Variants in ITGAE observed in about 807,000 individuals in gnomAD.
The protein encoded by ITGAE is integrin subunit alpha E.
In ITGAE, 99 loss-of-function variants were observed where a neutral mutation model predicts 136.5. That is an observed-to-expected ratio of 0.73 (90% confidence interval 0.62 to 0.86). The LOEUF (loss-of-function observed/expected upper bound fraction) is 0.86. Among genes scored for constraint, ITGAE ranks in the 40% least tolerant of loss-of-function variants. ITGAE has a pLI of 0.00. For missense variants in ITGAE, 1,447 were observed against 1,515.3 expected, an observed-to-expected ratio of 0.95 and a Z score of 0.75; for synonymous variants, 613 against 591.8, an observed-to-expected ratio of 1.04 and a Z score of -0.52.
chr17:3,729,494 C>G lies in ITGAE; in HGVS notation c.2896G>C (p.Val966Leu). Residue 966 changes from valine to leucine, a missense_variant, in exon 24 of 31, where the codon GTT becomes CTT. Coordinates refer to ENST00000263087, the MANE Select transcript of ITGAE (RefSeq NM_002208.5). ...AGTACTCACTTGGACAGAACTGCAACGAAGCCATGCCTGAATTGAAGGGTG... is the reference window on the plus strand; with the variant it reads ...AGTACTCACTTGGACAGAACTGCAAGGAAGCCATGCCTGAATTGAAGGGTG... ...THTLQFRHGFVAVLSKPSIMY... is the reference protein window; with the variant it reads ...THTLQFRHGFLAVLSKPSIMY... The G allele has an allele frequency of 6.2e-7, 1 of 1,611,038 alleles. No individual in the cohort carries two copies. The highest frequency in any genetic ancestry group is 8.5e-7 in the Non-Finnish European group (1 of 1,177,158).
chr17:3,795,740 C>G (rs901283608), intron 1 of ITGAE, among the ~76,000 whole-genome samples: 1 of 152,182 alleles, frequency 6.6e-6, no homozygotes, highest in African/African-American at 2.4e-5. Context: ...AAGAGCCTGC[C>G]GCAGAGGCAC....
At chr17:3,770,773 C>G (rs1263455522) in intron 2 of ITGAE, among the ~76,000 whole-genome samples, 1 of 152,154 alleles carries the variant, frequency 6.6e-6, no homozygotes, top group Non-Finnish European at 1.5e-5. Context: ...TGGGCCCTCC[C>G]CCAGCCCCTG....
At chr17:3,792,294 G>T (rs1225703041) in intron 1 of ITGAE, among the ~76,000 whole-genome samples, 1 of 152,026 alleles carries the variant, frequency 6.6e-6, no homozygotes, top group Non-Finnish European at 1.5e-5. Context: ...GATAATTTTT[G>T]TATTTTTAGT....
intron 19 of ITGAE, 120 bp downstream of exon 19, chr17:3,743,369 C>A: frequency 2.6e-6 from 3 of 1,173,108 alleles, no homozygotes; most frequent in Non-Finnish European, 3.6e-6. Context: ...CGGTGAGGGG[C>A]CCAAATGCCG....
rs184213605 is a variant in ITGAE at position 3,776,513 on chromosome 17, G to T, written c.155+1027C>A. On this transcript the variant is annotated intron_variant, in intron 2 of 30. Transcript: ENST00000263087. Reference sequence around the variant, plus strand: ...TATGCGGCAAATCCACGGTGAAGCTGCCACTGAACCCTGGCTGCCAGAGCC... The same window carrying T: ...TATGCGGCAAATCCACGGTGAAGCTTCCACTGAACCCTGGCTGCCAGAGCC... Among the ~76,000 whole-genome samples, 879 of 152,328 alleles carry T rather than the reference G, an allele frequency of 5.8e-3. 7 individuals carry two copies. The highest frequency in any genetic ancestry group is 0.02 in the African/African-American group (829 of 41,574).
chr17:3,788,189 A>T (rs1210163658), intron 1 of ITGAE, among the ~76,000 whole-genome samples: 5 of 144,590 alleles, frequency 3.5e-5, no homozygotes, highest in Non-Finnish European at 1.5e-5. Flanking sequence ...TTGCCTTTTC[A>T]CTCACTTACT....
intron 20 of ITGAE, among the ~76,000 whole-genome samples, chr17:3,737,249 C>T (rs559228315): frequency 4.6e-5 from 7 of 152,208 alleles, no homozygotes; most frequent in South Asian, 2.1e-4. Context: ...GCCAAGATCG[C>T]GCCACTGCAC....
chr17:3,787,908 C>T (rs536996673), intron 1 of ITGAE, among the ~76,000 whole-genome samples: 37 of 151,786 alleles, frequency 2.4e-4, no homozygotes, highest in African/African-American at 7.0e-4. Flanking sequence ...AGGCTGCTCT[C>T]GAACTCCTGA....
At position 3,728,005 on chromosome 17, in the gene ITGAE, C is replaced by T. The variant is rs1172291943; in HGVS notation, c.2998G>A (p.Gly1000Arg). The stretch of plus-strand genomic sequence containing the variant: ...CAAATTTGCAACTGGTATTCTGCTC[C>T]AAAGAGGTTCTCCCCATGTACCTGC... ...LFHVHGENLFGAEYQLQICVP... is the reference protein window; with the variant it reads ...LFHVHGENLFRAEYQLQICVP... Residue 1000 changes from glycine (G) to arginine (R), a missense_variant, in exon 26 of 31, where the codon GGA (glycine) becomes AGA (arginine). By Grantham distance (125) the Gly-to-Arg change is moderately radical. Transcript: ENST00000263087. The T allele has an allele frequency of 2.5e-6, 4 of 1,613,880 alleles. No homozygotes were observed. The Admixed American group carries it at 6.7e-5, about 27-fold the overall frequency.
At chr17:3,784,104 C>T (rs1257373983) in intron 1 of ITGAE, among the ~76,000 whole-genome samples, 4 of 151,782 alleles carry the variant, frequency 2.6e-5, no homozygotes, top group Admixed American at 6.6e-5. Flanking sequence ...ACTAAAAATA[C>T]AAAAAATTAG....
intron 29 of ITGAE, among the ~76,000 whole-genome samples, chr17:3,718,793 A>G (rs2050989512): frequency 6.6e-6 from 1 of 151,826 alleles, no homozygotes; most frequent in Admixed American, 6.6e-5. Context: ...AGGAACAATT[A>G]TTTTTCATTT....
intron 26 of ITGAE, among the ~76,000 whole-genome samples, chr17:3,726,931 T>C (rs1291541155): frequency 6.6e-6 from 1 of 151,944 alleles, no homozygotes; most frequent in Non-Finnish European, 1.5e-5. Context: ...GGTTTCACCA[T>C]GTTGGCCAGG....
intron 20 of ITGAE, among the ~76,000 whole-genome samples, chr17:3,736,596 A>G (rs1567521159): frequency 6.6e-6 from 1 of 152,184 alleles, no homozygotes; most frequent in Non-Finnish European, 1.5e-5. Flanking sequence ...GGTTTAAGAC[A>G]TGGGTCCACA....
At chr17:3,732,706 G>A (rs2051373320) in intron 21 of ITGAE, among the ~76,000 whole-genome samples, 1 of 152,214 alleles carries the variant, frequency 6.6e-6, no homozygotes, top group Non-Finnish European at 1.5e-5. Flanking sequence ...CTGTGAGGGA[G>A]CTGCAGAGAA....
At chr17:3,720,651 G>A (rs927622404) in intron 28 of ITGAE, 4 of 298,750 alleles carry the variant, frequency 1.3e-5, no homozygotes, top group South Asian at 3.8e-5. Context: ...GTGCGATCTC[G>A]GCTCACTGCA....
intron 2 of ITGAE, among the ~76,000 whole-genome samples, chr17:3,765,958 C>T (rs1035902578): frequency 2.0e-5 from 3 of 152,180 alleles, no homozygotes; most frequent in Non-Finnish European, 2.9e-5. Flanking sequence ...AAGAAGGCCA[C>T]GTCCTAATCC....
In ITGAE at chr17:3,759,440, C is replaced by T. The variant is rs1035531663; in HGVS notation, c.828G>A (p.Gly276=). The part of the protein sequence containing the change: ...LARVQNITQV[G]SVTKTASAMQ... The stretch of plus-strand genomic sequence containing the variant: ...TGGCTGAGGCAGTCTTGGTGACACT[C>T]CCCACTTGAGTGATGTTCTGGACTC... The change falls in exon 8 of 31, where the codon GGG becomes GGA. Residue 276 remains glycine (G), a synonymous_variant. Coordinates refer to ENST00000263087, the MANE Select transcript of ITGAE (RefSeq NM_002208.5). The T allele has an allele frequency of 1.9e-6, 3 of 1,614,028 alleles. No homozygotes were observed. Among genetic ancestry groups the T allele is most frequent in the African/African-American group, 1.3e-5 (1 of 74,922 alleles).
At chr17:3,757,953 G>C in intron 8 of ITGAE, 94 bp from the exon 9 acceptor site, 3 of 1,435,234 alleles carry the variant, frequency 2.1e-6, no homozygotes, top group Non-Finnish European at 1.9e-6. Flanking sequence ...ATTAGAATTG[G>C]GAGGGTTCAC....
At chr17:3,782,164 A>G (rs1456788762) in intron 1 of ITGAE, among the ~76,000 whole-genome samples, 2 of 149,396 alleles carry the variant, frequency 1.3e-5, no homozygotes, top group African/African-American at 4.9e-5. Context: ...AATCCCAGCT[A>G]CTCGGGAGGC....
Sources: gnomAD v4.1 joint callset for allele counts (sites outside exome capture counted in the v4.1 genomes callset) on GRCh38, gnomAD v4.1.1 for gene constraint, MANE v1.5 for transcripts, NCBI Gene and HGNC (gene_info 2026-07-23, HGNC 2026-07-21) for gene names.